SDK1: variants seen among roughly 807,000 people sequenced by gnomAD.
SDK1 encodes protein sidekick-1.
Under a neutral mutation model 245.5 loss-of-function variants are expected in SDK1, and 157 were observed. That is an observed-to-expected ratio of 0.64 (90% CI 0.56 to 0.73). The LOEUF (loss-of-function observed/expected upper bound fraction) is 0.73, where lower values mean the gene tolerates loss of function less well. SDK1 is among the 30% of genes least tolerant of loss of function. The pLI, the probability that SDK1 is intolerant of heterozygous loss-of-function variation, is 0.00. For synonymous variants in SDK1, 1,647 were observed against 1,278.5 expected (o/e 1.29, Z -6.15); for missense variants, 3,583 against 3,002.3 (o/e 1.19, Z -4.52).
rs117003024 is a variant in SDK1, at chr7:4,136,842, A to G, written c.4228+4419A>G. On this transcript the variant is annotated intron_variant, in intron 28 of 44. Transcript: ENST00000404826. ...CGGAGAATCAGGAGCTCCAGCAAGT[A>G]TGATCCCTGTTGGCAGATTCAGCGT... Among the ~76,000 whole-genome samples, 1,281 of 152,328 alleles carry G rather than the reference A, an allele frequency of 8.4e-3. 6 individuals carry two copies. Among genetic ancestry groups the G allele is most frequent in the Non-Finnish European group, 0.015 (1,000 of 68,016 alleles).
chr7:4,000,728 T>G (rs890086278), intron 14 of SDK1, among the ~76,000 whole-genome samples: 3 of 152,248 alleles, frequency 2.0e-5, no homozygotes, highest in Admixed American at 6.5e-5. Flanking sequence ...CTTCAAATAT[T>G]TTAATACTGT....
At chr7:3,931,526 A>G (rs1779979564) in intron 5 of SDK1, among the ~76,000 whole-genome samples, 1 of 152,242 alleles carries the variant, frequency 6.6e-6, no homozygotes, top group Admixed American at 6.5e-5. Context: ...ACAACTGCGT[A>G]GCTAACCAAG....
intron 1 of SDK1, among the ~76,000 whole-genome samples, chr7:3,558,947 C>T (rs574965730): frequency 6.6e-6 from 1 of 152,224 alleles, no homozygotes; most frequent in African/African-American, 2.4e-5. Flanking sequence ...TCACTCTACT[C>T]AAGACTACTT....
At chr7:3,605,672 A>G (rs1332749158) in intron 1 of SDK1, among the ~76,000 whole-genome samples, 2 of 152,076 alleles carry the variant, frequency 1.3e-5, no homozygotes, top group Admixed American at 6.5e-5. Flanking sequence ...TTACATAATT[A>G]GATTTGGGAT....
At chr7:3,583,794 G>A (rs1031825803) in intron 1 of SDK1, among the ~76,000 whole-genome samples, 8 of 152,084 alleles carry the variant, frequency 5.3e-5, no homozygotes, top group South Asian at 2.1e-4. Context: ...CCGAGAGGGC[G>A]GCATCTGCAA....
intron 40 of SDK1, among the ~76,000 whole-genome samples, chr7:4,223,052 C>G (rs1254159390): frequency 6.6e-6 from 1 of 150,834 alleles, no homozygotes; most frequent in East Asian, 2.0e-4. Context: ...TCAACTCTTC[C>G]AGCCTGGGTG....
intron 1 of SDK1, among the ~76,000 whole-genome samples, chr7:3,532,450 G>T (rs796237639): frequency 3.3e-5 from 5 of 152,278 alleles, no homozygotes; most frequent in East Asian, 1.9e-4. Flanking sequence ...GGTACGTTAG[G>T]TCTCACCTGG....
intron 4 of SDK1, among the ~76,000 whole-genome samples, chr7:3,687,603 GA>G (rs1378907893): frequency 6.6e-6 from 1 of 152,132 alleles, no homozygotes; most frequent in East Asian, 1.9e-4. Flanking sequence ...TGGCGGTGAT[GA>G]AAAAAATTCA....
In SDK1 at chr7:3,480,789, A is replaced by G. The variant is rs1035575303; in HGVS notation, c.299-138291A>G. 5.3e-5 allele frequency among the ~76,000 whole-genome samples: 8 copies of G among 152,342 alleles called. No homozygotes were observed. The East Asian group carries it at 5.8e-4, about 11-fold the overall frequency. On this transcript the variant is annotated intron_variant, in intron 1 of 44. Transcript: ENST00000404826. ...GAGTCAAAGGATGCAGGGAGCCTCTAGAAGCTTGAACAGGTGAGGAAATGG... is the reference window on the plus strand; with the variant it reads ...GAGTCAAAGGATGCAGGGAGCCTCTGGAAGCTTGAACAGGTGAGGAAATGG...
In SDK1 at chr7:3,962,823, C is replaced by A. The variant is rs936538026; in HGVS notation, c.1401C>A (p.Ile467=). Residue 467 remains isoleucine (I), a synonymous_variant, in exon 9 of 45, where the codon ATC becomes ATA. Coordinates refer to ENST00000404826, the MANE Select transcript of SDK1 (RefSeq NM_152744.4). ...QCFASNEGGE[I]QTHTYLDVTN... is the part of the protein sequence containing the mutation. ...TCGCCAGCAATGAAGGAGGGGAGAT[C>A]CAGACCCACACCTACCTGGATGTAA... 2.5e-6 allele frequency: 4 copies of A among 1,613,208 alleles called. No individual in the cohort carries two copies. The highest frequency in any genetic ancestry group is 1.3e-5 in the African/African-American group (1 of 75,016).
At chr7:3,366,434 AC>A (rs1781093403) in intron 1 of SDK1, among the ~76,000 whole-genome samples, 1 of 151,874 alleles carries the variant, frequency 6.6e-6, no homozygotes, top group Admixed American at 6.6e-5. Flanking sequence ...TTTTACAGTT[AC>A]ATTAAGTACT....
intron 5 of SDK1, among the ~76,000 whole-genome samples, chr7:3,891,285 C>G (rs139261421): frequency 1.8e-4 from 27 of 152,220 alleles, no homozygotes; most frequent in African/African-American, 6.0e-4. Context: ...GGAGGACTTT[C>G]CAGGCCGTGG....
chr7:3,644,788 A>C (rs1230521317), intron 4 of SDK1, among the ~76,000 whole-genome samples: 8 of 121,336 alleles, frequency 6.6e-5, no homozygotes, highest in East Asian at 5.9e-4. Context: ...AAAAAAAAAA[A>C]AAAACAAAAA....
At chr7:4,250,323 A>G (rs1787210375) in intron 44 of SDK1, among the ~76,000 whole-genome samples, 1 of 151,736 alleles carries the variant, frequency 6.6e-6, no homozygotes, top group South Asian at 2.1e-4. Context: ...TATTTTGCCC[A>G]TGTGGTTTCT....
intron 4 of SDK1, among the ~76,000 whole-genome samples, chr7:3,702,698 G>A (rs920041609): frequency 3.3e-5 from 5 of 152,154 alleles, no homozygotes; most frequent in African/African-American, 1.2e-4. Context: ...TGTTGGACTA[G>A]TATTGGAGAT....
intron 1 of SDK1, among the ~76,000 whole-genome samples, chr7:3,501,529 C>G (rs1451963656): frequency 6.6e-6 from 1 of 151,992 alleles, no homozygotes; most frequent in African/African-American, 2.4e-5. Flanking sequence ...ATTTCGTGCT[C>G]CTGATTATAT....
At chr7:3,708,317 G>T (rs999606180) in intron 4 of SDK1, among the ~76,000 whole-genome samples, 4 of 146,970 alleles carry the variant, frequency 2.7e-5, no homozygotes, top group Non-Finnish European at 6.0e-5. Context: ...TACCTCCAAG[G>T]TCCAGTTACC....
intron 30 of SDK1, among the ~76,000 whole-genome samples, chr7:4,154,621 G>A (rs754771619): frequency 6.6e-6 from 1 of 152,098 alleles, no homozygotes; most frequent in Non-Finnish European, 1.5e-5. Flanking sequence ...TGTGTGCCAC[G>A]ATCCACCCGA....
rs1583337356 is a variant in SDK1 at position 3,718,097 on chromosome 7, G to T, written c.713+75992G>T. On this transcript the variant is annotated intron_variant, in intron 4 of 44. Transcript: ENST00000404826. ...ACCAAGTGGGTGTTATTCCAGGCAT[G>T]CAAGGCTGGCTTCATATTTGAAAAT... 2.0e-5 allele frequency among the ~76,000 whole-genome samples: 3 copies of T among 152,294 alleles called. No homozygotes were observed. In the South Asian group the frequency reaches 6.2e-4, roughly 32 times the overall value.
Sources: gnomAD v4.1 joint callset for allele counts (sites outside exome capture counted in the v4.1 genomes callset) on GRCh38, gnomAD v4.1.1 for gene constraint, MANE v1.5 for transcripts, NCBI Gene and HGNC (gene_info 2026-07-23, HGNC 2026-07-21) for gene names.